The following ACTR2 variants were observed in gnomAD, a reference collection of about 807,000 sequenced individuals.
ACTR2 encodes the protein actin related protein 2.
Under a neutral mutation model 50.2 loss-of-function variants are expected in ACTR2, and 5 were observed. The observed-to-expected ratio is 0.10, with a 90% CI of 0.05 to 0.21. The LOEUF is 0.21. ACTR2 is among the 10% of genes least tolerant of loss of function. ACTR2 has a pLI of 1.00. For synonymous variants in ACTR2, 140 were observed against 162.9 expected, an observed-to-expected ratio of 0.86 and a Z score of 1.07; for missense variants, 180 against 480.6, an observed-to-expected ratio of 0.37 and a Z score of 5.85.
chr2:65,254,312 G>A (rs1672108330), intron 5 of ACTR2, among the ~76,000 whole-genome samples: 1 of 152,060 alleles, frequency 6.6e-6, no homozygotes, highest in South Asian at 2.1e-4. Context: ...TACAGTGATA[G>A]CAAATTAATG....
intron 8 of ACTR2, among the ~76,000 whole-genome samples, chr2:65,265,645 C>T (rs1428423707): frequency 2.6e-5 from 4 of 152,126 alleles, no homozygotes; most frequent in African/African-American, 4.8e-5. Context: ...TTTTGCATTC[C>T]GGTGACTGTC....
intron 3 of ACTR2, among the ~76,000 whole-genome samples, chr2:65,248,537 T>C: frequency 6.6e-6 from 1 of 152,066 alleles, no homozygotes; most frequent in Non-Finnish European, 1.5e-5. Flanking sequence ...GTTGGAGACT[T>C]TTTCAGTCAT....
At chr2:65,268,220 A>G (rs760541922) in intron 8 of ACTR2, among the ~76,000 whole-genome samples, 4 of 152,124 alleles carry the variant, frequency 2.6e-5, no homozygotes, top group Non-Finnish European at 4.4e-5. Context: ...AATTTGCTCT[A>G]ATTATGTCTT....
At chr2:65,234,779 A>G (rs1208003717) in intron 1 of ACTR2, among the ~76,000 whole-genome samples, 1 of 152,176 alleles carries the variant, frequency 6.6e-6, no homozygotes, top group African/African-American at 2.4e-5. Context: ...ATTTATTTGC[A>G]TTCAGCATGC....
At chr2:65,233,441 G>C (rs1573146691) in intron 1 of ACTR2, among the ~76,000 whole-genome samples, 1 of 151,932 alleles carries the variant, frequency 6.6e-6, no homozygotes, top group East Asian at 1.9e-4. Flanking sequence ...GATTGCTTGA[G>C]GCTGGGAGTT....
intron 2 of ACTR2, among the ~76,000 whole-genome samples, chr2:65,245,552 C>T (rs1671919646): frequency 6.6e-6 from 1 of 151,782 alleles, no homozygotes; most frequent in South Asian, 2.1e-4. Flanking sequence ...TTTGCTGCTG[C>T]TTTTTTTTGT....
At chr2:65,258,130 C>A (rs1672186253) in intron 6 of ACTR2, among the ~76,000 whole-genome samples, 2 of 152,140 alleles carry the variant, frequency 1.3e-5, no homozygotes, top group Admixed American at 1.3e-4. Flanking sequence ...GTCTTCTTGA[C>A]AGTTTCTCTA....
At position 65,227,894 on chromosome 2, in the gene ACTR2, C is replaced by T; in HGVS notation, c.-16C>T. Reference sequence around the variant, plus strand: ...TGTAGGTTGTGCGGCTGCAGCGGCTCTTCCCTGGGCGGACGATGGACAGCC... The same window carrying T: ...TGTAGGTTGTGCGGCTGCAGCGGCTTTTCCCTGGGCGGACGATGGACAGCC... On this transcript the variant is annotated 5_prime_UTR_variant, in exon 1 of 9. Coordinates refer to ENST00000260641, the MANE Select transcript of ACTR2 (RefSeq NM_005722.4). 15 of 1,513,340 alleles carry T rather than the reference C, an allele frequency of 9.9e-6. No homozygotes were observed. The highest frequency in any genetic ancestry group is 1.3e-5 in the Non-Finnish European group (15 of 1,130,772). The allele number at this position is 1,513,340 out of a possible 1,614,324, so 93.7% of individuals were successfully genotyped here.
intron 7 of ACTR2, among the ~76,000 whole-genome samples, chr2:65,262,751 G>GT: frequency 6.6e-6 from 1 of 152,032 alleles, no homozygotes; most frequent in Non-Finnish European, 1.5e-5. Context: ...AAGCCTAGGA[G>GT]TTTAAGACCA....
chr2:65,271,020 A>G lies in ACTR2; in HGVS notation c.*2286A>G, dbSNP rs944148739. The G allele has an allele frequency of 6.6e-6, 1 of 152,192 alleles. No individual in the cohort carries two copies. The highest frequency in any genetic ancestry group is 6.5e-5 in the Admixed American group (1 of 15,282). The allele number at this position is 152,192 out of a possible 1,614,324, so 9.4% of individuals were successfully genotyped here. A position where few individuals can be genotyped will look rare whatever the true frequency, so the allele number is the denominator to read the frequency against. ...TTAAATTAGAATTGCCAATACTTCTACATTTGAGAAGGGTTTTTTTAGAAA... is the reference window on the plus strand; with the variant it reads ...TTAAATTAGAATTGCCAATACTTCTGCATTTGAGAAGGGTTTTTTTAGAAA... On this transcript the variant is annotated 3_prime_UTR_variant, in exon 9 of 9. Transcript: ENST00000260641.
intron 4 of ACTR2, among the ~76,000 whole-genome samples, chr2:65,252,950 G>T (rs1009297473): frequency 3.3e-5 from 5 of 152,254 alleles, no homozygotes; most frequent in East Asian, 1.9e-4. Context: ...TTATTATGAG[G>T]TTTAACTGAC....
At chr2:65,266,449 G>A (rs1259085756) in intron 8 of ACTR2, among the ~76,000 whole-genome samples, 1 of 152,144 alleles carries the variant, frequency 6.6e-6, no homozygotes, top group Non-Finnish European at 1.5e-5. Flanking sequence ...GTGAGCAAGG[G>A]AGGGGGGCAG....
intron 6 of ACTR2, 109 bp from the exon 7 acceptor site, chr2:65,261,138 T>TAACCAAA (rs1672261485): frequency 9.6e-7 from 1 of 1,041,430 alleles, no homozygotes; most frequent in South Asian, 1.7e-5. Context: ...TTGTTGTTGG[T>TAACCAAA]AATGATTTTG....
intron 2 of ACTR2, among the ~76,000 whole-genome samples, chr2:65,245,767 G>A (rs1484142344): frequency 6.6e-6 from 1 of 152,112 alleles, no homozygotes; most frequent in Admixed American, 6.6e-5. Flanking sequence ...TCTTAAGTAT[G>A]CTCTCATTGG....
At chr2:65,229,532 G>T (rs1442582786) in intron 1 of ACTR2, among the ~76,000 whole-genome samples, 1 of 152,072 alleles carries the variant, frequency 6.6e-6, no homozygotes, top group East Asian at 1.9e-4. Flanking sequence ...TAGGCGGGCG[G>T]ATCACCTGAA....
At chr2:65,248,335 T>A (rs1048759177) in intron 3 of ACTR2, among the ~76,000 whole-genome samples, 1 of 151,454 alleles carries the variant, frequency 6.6e-6, no homozygotes, top group Admixed American at 6.6e-5. Context: ...AGGAGGCAGA[T>A]GCTGCAGTGA....
intron 8 of ACTR2, 72 bp downstream of exon 8, chr2:65,265,247 A>G (rs1320587511): frequency 6.4e-7 from 1 of 1,557,142 alleles, no homozygotes; most frequent in African/African-American, 1.4e-5. Flanking sequence ...AATCTTGACA[A>G]CCACCAGAGG....
chr2:65,231,883 T>C (rs1671643833), intron 1 of ACTR2, among the ~76,000 whole-genome samples: 1 of 152,138 alleles, frequency 6.6e-6, no homozygotes, highest in South Asian at 2.1e-4. Context: ...TCATAATGTT[T>C]TAAGAAAGTT....
At position 65,251,196 on chromosome 2, in the gene ACTR2, C is replaced by T. The variant is rs900948020; in HGVS notation, c.448+97C>T. 8 of 697,776 alleles carry T rather than the reference C, an allele frequency of 1.1e-5. No homozygotes were observed. The African/African-American group carries it at 1.5e-4, about 13-fold the overall frequency. 43.2% of individuals were successfully genotyped at this position (697,776 alleles called of 1,614,324 possible). A position where few individuals can be genotyped will look rare whatever the true frequency, so the allele number is the denominator to read the frequency against. On this transcript the variant is annotated intron_variant, in intron 4 of 8. Transcript: ENST00000260641. The stretch of plus-strand genomic sequence containing the variant: ...TTGGTTTCTCAATAAGTTATAAGCC[C>T]CAGAAAACTACATTATTTATATACC...
Sources: gnomAD v4.1 joint callset for allele counts (sites outside exome capture counted in the v4.1 genomes callset) on GRCh38, gnomAD v4.1.1 for gene constraint, MANE v1.5 for transcripts, NCBI Gene and HGNC (gene_info 2026-07-23, HGNC 2026-07-21) for gene names.